JAM3: variants seen among roughly 807,000 people sequenced by gnomAD.
The protein encoded by JAM3 is junctional adhesion molecule 3.
JAM3 carries 31 observed loss-of-function variants against 39.4 expected under a neutral mutation model. The ratio of observed to expected loss-of-function variants is 0.79; its 90% CI spans 0.59 to 1.06. The LOEUF is 1.06. JAM3 is among the 50% of genes least tolerant of loss of function. The probability of loss-of-function intolerance (pLI) is 0.00; values close to 1 mark genes in which losing one functional copy is unlikely to be tolerated. For missense variants in JAM3, 455 were observed against 391.4 expected (o/e 1.16, Z -1.37); for synonymous variants, 182 against 148.7 (o/e 1.22, Z -1.63).
chr11:134,098,187 C>T (rs2120670344), intron 1 of JAM3, among the ~76,000 whole-genome samples: 1 of 152,124 alleles, frequency 6.6e-6, no homozygotes, highest in East Asian at 1.9e-4. Context: ...ATTCCTTTTA[C>T]TGTGCATGCA....
At chr11:134,091,830 G>A (rs1941862553) in intron 1 of JAM3, among the ~76,000 whole-genome samples, 1 of 124,818 alleles carries the variant, frequency 8.0e-6, no homozygotes, top group Non-Finnish European at 1.6e-5. Context: ...GTGTTTGGGG[G>A]TGTGGGTTTT....
intron 1 of JAM3, among the ~76,000 whole-genome samples, chr11:134,112,306 T>G (rs1455361125): frequency 6.6e-6 from 1 of 152,138 alleles, no homozygotes; most frequent in Non-Finnish European, 1.5e-5. Context: ...CAGGCTGGTC[T>G]TGAACTCCTG....
chr11:134,099,755 C>T (rs368413644), intron 1 of JAM3, among the ~76,000 whole-genome samples: 3 of 152,052 alleles, frequency 2.0e-5, no homozygotes, highest in African/African-American at 4.8e-5. Flanking sequence ...TACAGGTGTG[C>T]GCCACCACGC....
At chr11:134,121,851 A>ACACC (rs1565496373) in intron 1 of JAM3, among the ~76,000 whole-genome samples, 2 of 150,856 alleles carry the variant, frequency 1.3e-5, no homozygotes, top group Non-Finnish European at 2.9e-5. Context: ...ACACACACAC[A>ACACC]CCCTCCTCCC....
chr11:134,140,629 A>C, intron 2 of JAM3, 28 bp from the exon 3 acceptor site: 4 of 1,572,032 alleles, frequency 2.5e-6, no homozygotes, highest in Non-Finnish European at 3.5e-6. Flanking sequence ...ACATTCACCG[A>C]GAGCTCTTTT....
intron 1 of JAM3, among the ~76,000 whole-genome samples, chr11:134,113,302 C>A (rs1471885135): frequency 2.0e-5 from 3 of 151,718 alleles, no homozygotes; most frequent in African/African-American, 7.3e-5. Flanking sequence ...ATTAACTCGT[C>A]ATTTACATTA....
intron 1 of JAM3, among the ~76,000 whole-genome samples, chr11:134,075,295 A>G (rs1267558890): frequency 1.3e-5 from 2 of 152,182 alleles, no homozygotes; most frequent in South Asian, 2.1e-4. Flanking sequence ...CTGGACTTGT[A>G]CAGATAATTG....
At chr11:134,135,860 G>C (rs964681718) in intron 1 of JAM3, among the ~76,000 whole-genome samples, 1 of 152,114 alleles carries the variant, frequency 6.6e-6, no homozygotes, top group Admixed American at 6.5e-5. Flanking sequence ...CCTGAGATCA[G>C]GAGTTCGAGA....
chr11:134,093,393 A>G, intron 1 of JAM3, among the ~76,000 whole-genome samples: 2 of 119,988 alleles, frequency 1.7e-5, no homozygotes, highest in East Asian at 3.1e-4. Context: ...CATCTTATTC[A>G]TCATGTTCCA....
At chr11:134,109,852 C>A (rs1472170046) in intron 1 of JAM3, among the ~76,000 whole-genome samples, 6 of 152,200 alleles carry the variant, frequency 3.9e-5, no homozygotes, top group Non-Finnish European at 8.8e-5. Flanking sequence ...TGGGGAGATA[C>A]TGAACCTTTT....
At chr11:134,088,319 G>A (rs941433608) in intron 1 of JAM3, among the ~76,000 whole-genome samples, 1 of 152,002 alleles carries the variant, frequency 6.6e-6, no homozygotes. Flanking sequence ...TACCACCCCC[G>A]AAGCTCTTAT....
At chr11:134,090,265 C>G (rs1312568224) in intron 1 of JAM3, among the ~76,000 whole-genome samples, 7 of 152,338 alleles carry the variant, frequency 4.6e-5, no homozygotes, top group Non-Finnish European at 7.3e-5. Context: ...TGCCTGTTCA[C>G]TGTGATGGTA....
rs751392634 is a variant in JAM3, at chr11:134,148,688, T to C, written c.842+12T>C. The C allele has an allele frequency of 2.5e-6, 4 of 1,613,988 alleles. No homozygotes were observed. Among genetic ancestry groups the C allele is most frequent in the Non-Finnish European group, 3.4e-6 (4 of 1,180,026 alleles). ...CAGGATGGAGAAAGGTGAGCCTGCC[T>C]TATGTGAAAAAAGGGAAGTTCAAGC... On this transcript the variant is annotated intron_variant, in intron 7 of 8. Coordinates refer to ENST00000299106, the MANE Select transcript of JAM3 (RefSeq NM_032801.5).
chr11:134,144,645 T>C (rs1943037474), intron 4 of JAM3, 147 bp from the exon 5 acceptor site: 1 of 845,566 alleles, frequency 1.2e-6, no homozygotes, highest in Non-Finnish European at 2.0e-6. Context: ...CGGTGGCTTG[T>C]CAGTCTGCAG....
chr11:134,076,833 C>CT (rs71038556), intron 1 of JAM3, among the ~76,000 whole-genome samples: 2,887 of 118,456 alleles, frequency 0.024, 201 homozygotes, highest in African/African-American at 0.058. Flanking sequence ...ACATCTATTG[C>CT]TTTTTTTTTT....
chr11:134,120,488 ATTAAT>A (rs1279046885), intron 1 of JAM3, among the ~76,000 whole-genome samples: 1 of 152,212 alleles, frequency 6.6e-6, no homozygotes, highest in East Asian at 1.9e-4. Flanking sequence ...ATAAACCCAA[ATTAAT>A]TTAATTTTTC....
chr11:134,093,518 TCTC>T (rs1247294490), intron 1 of JAM3, among the ~76,000 whole-genome samples: 1 of 133,072 alleles, frequency 7.5e-6, no homozygotes, highest in Admixed American at 7.3e-5. Flanking sequence ...GAGGGAAGCT[TCTC>T]CTGAGCCCTC....
intron 1 of JAM3, among the ~76,000 whole-genome samples, chr11:134,083,499 T>G (rs1291181382): frequency 1.3e-5 from 2 of 152,210 alleles, no homozygotes; most frequent in African/African-American, 4.8e-5. Context: ...TCAGGTAACT[T>G]TTTGAGGAGG....
chr11:134,129,033 T>G (rs1039574902), intron 1 of JAM3, among the ~76,000 whole-genome samples: 2 of 152,014 alleles, frequency 1.3e-5, no homozygotes, highest in African/African-American at 2.4e-5. Context: ...TCCTGAGACC[T>G]CTCCTTGGCC....
Sources: allele counts gnomAD v4.1 joint callset (sites outside exome capture counted in the v4.1 genomes callset), GRCh38; gene constraint gnomAD v4.1.1; transcripts MANE v1.5; gene names NCBI Gene and HGNC (gene_info 2026-07-23, HGNC 2026-07-21).